PLXNA2: variants seen among roughly 807,000 people sequenced by gnomAD.
PLXNA2 encodes plexin A2.
In PLXNA2, 91 loss-of-function variants were observed where a neutral mutation model predicts 193.5. The ratio of observed to expected loss-of-function variants is 0.47; its 90% CI spans 0.40 to 0.56. PLXNA2 has a LOEUF of 0.56. Among genes scored for constraint, PLXNA2 ranks in the 20% least tolerant of loss-of-function variants. The pLI is 0.00. For synonymous variants in PLXNA2, 997 were observed against 1,027.3 expected, an observed-to-expected ratio of 0.97 and a Z score of 0.56; for missense variants, 1,995 against 2,503.2, an observed-to-expected ratio of 0.80 and a Z score of 4.33.
At chr1:208,152,732 C>T (rs1317309026) in intron 3 of PLXNA2, among the ~76,000 whole-genome samples, 1 of 150,738 alleles carries the variant, frequency 6.6e-6, no homozygotes, top group Non-Finnish European at 1.5e-5. Flanking sequence ...CTTCAATTGT[C>T]CCCTTTAATA....
chr1:208,062,392 G>A (rs1665647039), intron 12 of PLXNA2, among the ~76,000 whole-genome samples: 1 of 152,228 alleles, frequency 6.6e-6, no homozygotes, highest in South Asian at 2.1e-4. Flanking sequence ...CAACCACCAA[G>A]TGATAGTGAG....
At chr1:208,051,186 G>GAGCC (rs1665248290) in intron 16 of PLXNA2, 70 bp downstream of exon 16, 2 of 1,593,642 alleles carry the variant, frequency 1.3e-6, no homozygotes, top group East Asian at 4.5e-5. Context: ...TCCCTCTCAT[G>GAGCC]AGCCAGACTT....
At position 208,180,052 on chromosome 1, in the gene PLXNA2, C is replaced by G. The variant is rs151234783; in HGVS notation, c.1371+30228G>C. 6.0e-3 allele frequency among the ~76,000 whole-genome samples: 908 copies of G among 152,268 alleles called. 11 individuals carry two copies. The highest frequency in any genetic ancestry group is 0.021 in the African/African-American group (866 of 41,554). On this transcript the variant is annotated intron_variant, in intron 3 of 31. Transcript: ENST00000367033. ...CGCCCCCACCCTGGGGCTTCAAACA[C>G]GAGGAAATTAGCACAAGGCCCCCTG...
At chr1:208,157,835 T>G (rs936852247) in intron 3 of PLXNA2, among the ~76,000 whole-genome samples, 8 of 152,228 alleles carry the variant, frequency 5.3e-5, no homozygotes, top group Non-Finnish European at 1.0e-4. Flanking sequence ...AATAAATTAA[T>G]GAATGAATGC....
At position 208,062,214 on chromosome 1, in the gene PLXNA2, C is replaced by T. The variant is rs957096053; in HGVS notation, c.2587-1377G>A. Reference sequence around the variant, plus strand: ...ACCCTGTATGTGCTGGTGGAGTGTCCGATGGGGTGGGAGGGTCAGCGTACC... The same window carrying T: ...ACCCTGTATGTGCTGGTGGAGTGTCTGATGGGGTGGGAGGGTCAGCGTACC... On this transcript the variant is annotated intron_variant, in intron 12 of 31. Transcript: ENST00000367033. Among the ~76,000 whole-genome samples the T allele has an allele frequency of 2.5e-4, 38 of 152,018 alleles. 1 individual carries two copies. The highest frequency in any genetic ancestry group is 9.7e-5 in the African/African-American group (4 of 41,402).
chr1:208,031,885 A>G, intron 28 of PLXNA2, 126 bp from the exon 29 acceptor site: 1 of 1,252,032 alleles, frequency 8.0e-7, no homozygotes, highest in Admixed American at 2.8e-5. Flanking sequence ...CTGTGCAGGC[A>G]GTGTTGCGGG....
At chr1:208,171,870 T>A (rs922485340) in intron 3 of PLXNA2, among the ~76,000 whole-genome samples, 1 of 151,850 alleles carries the variant, frequency 6.6e-6, no homozygotes, top group Admixed American at 6.5e-5. Context: ...AAGTTTTTTT[T>A]AAGATGATAA....
At chr1:208,065,786 C>G (rs1256884807) in intron 12 of PLXNA2, among the ~76,000 whole-genome samples, 1 of 152,130 alleles carries the variant, frequency 6.6e-6, no homozygotes, top group Non-Finnish European at 1.5e-5. Flanking sequence ...AGTTCTGGGC[C>G]CTGCACAGAA....
At chr1:208,099,805 G>A (rs770380611) in intron 5 of PLXNA2, among the ~76,000 whole-genome samples, 3 of 151,946 alleles carry the variant, frequency 2.0e-5, no homozygotes, top group South Asian at 2.1e-4. Context: ...TCCTGATCTC[G>A]TGATCCACCT....
In PLXNA2 at chr1:208,051,265, C is replaced by A; in HGVS notation, c.3152G>T (p.Ser1051Ile). The A allele has an allele frequency of 6.2e-7, 1 of 1,607,536 alleles. No individual in the cohort carries two copies. Among genetic ancestry groups the A allele is most frequent in the Non-Finnish European group, 8.5e-7 (1 of 1,175,642 alleles). Residue 1051 changes from serine to isoleucine, a missense_variant, in exon 16 of 32, where the codon AGC (serine) becomes ATC (isoleucine). Ser to Ile is a moderately radical substitution (Grantham distance 142, BLOSUM62 -2). Coordinates refer to ENST00000367033, the MANE Select transcript of PLXNA2 (RefSeq NM_025179.4). ...CCACCTTCCACCTCACCTGGCAATG[C>A]TCCACTCTGGCTCGATGCGCTGGAC... ...PRVQRIEPEW[S>I]IASGHTPLTI...
intron 3 of PLXNA2, among the ~76,000 whole-genome samples, chr1:208,168,531 T>C (rs569388416): frequency 2.6e-5 from 4 of 152,226 alleles, no homozygotes; most frequent in African/African-American, 9.6e-5. Context: ...GGGGAGTCTA[T>C]TGCCCCCACT....
intron 3 of PLXNA2, among the ~76,000 whole-genome samples, chr1:208,166,728 A>T (rs1044997122): frequency 2.6e-4 from 40 of 152,244 alleles, no homozygotes; most frequent in African/African-American, 9.4e-4. Flanking sequence ...TGAGAACTTC[A>T]TGCATTGATG....
At chr1:208,114,286 T>C (rs1420922157) in intron 4 of PLXNA2, among the ~76,000 whole-genome samples, 1 of 152,214 alleles carries the variant, frequency 6.6e-6, no homozygotes. Context: ...CTTCCATCCT[T>C]GATACTTCCC....
intron 4 of PLXNA2, 113 bp downstream of exon 4, chr1:208,142,216 G>C: frequency 8.2e-7 from 1 of 1,218,728 alleles, no homozygotes; most frequent in Non-Finnish European, 1.1e-6. Flanking sequence ...CAAGACCCCT[G>C]TGCTGCAAGC....
At position 208,190,358 on chromosome 1, in the gene PLXNA2, C is replaced by T. The variant is rs545741465; in HGVS notation, c.1371+19922G>A. Among the ~76,000 whole-genome samples the T allele has an allele frequency of 1.1e-4, 16 of 152,278 alleles. 2 individuals carry two copies. In the South Asian group the frequency reaches 3.3e-3, roughly 32 times the overall value. ...TACCCACTGAGTTGTTTAATAACTG[C>T]ATATTATGTGAATAAATGGGAAAAT... is the stretch of plus-strand genomic sequence containing the variant. On this transcript the variant is annotated intron_variant, in intron 3 of 31. Transcript: ENST00000367033.
rs752105673 is a variant in PLXNA2, at chr1:208,142,441, TG to T, written c.1393del (p.His465MetfsTer57). On this transcript the variant is annotated frameshift_variant, in exon 4 of 32. Transcript: ENST00000367033. LOFTEE classifies it high-confidence loss of function. ...LKKIRADGPP[H>X]GGVQYEMVSV... Reference sequence around the variant, plus strand: ...GACCATCTCGTACTGGACCCCACCATGGGGGGGACCGTCGGCCCGAATCTGT... The same window carrying T: ...GACCATCTCGTACTGGACCCCACCATGGGGGGACCGTCGGCCCGAATCTGT... 3.1e-6 allele frequency: 5 copies of T among 1,610,788 alleles called. No homozygotes were observed. The highest frequency in any genetic ancestry group is 2.2e-5 in the South Asian group (2 of 90,596).
intron 12 of PLXNA2, among the ~76,000 whole-genome samples, chr1:208,074,365 A>G (rs938695391): frequency 4.6e-5 from 7 of 152,182 alleles, no homozygotes; most frequent in Admixed American, 6.5e-5. Flanking sequence ...ACACGTGCAC[A>G]GACACCCACG....
intron 11 of PLXNA2, among the ~76,000 whole-genome samples, chr1:208,081,515 G>A (rs555861184): frequency 3.9e-5 from 6 of 152,164 alleles, no homozygotes; most frequent in African/African-American, 4.8e-5. Context: ...TCCTACAGTG[G>A]CCTAAGTAGT....
rs554246849 is a variant in PLXNA2, at chr1:208,151,962, A to T, written c.1372-9499T>A. Among the ~76,000 whole-genome samples the T allele has an allele frequency of 7.2e-5, 11 of 152,346 alleles. No homozygotes were observed. The East Asian group carries it at 1.9e-3, about 27-fold the overall frequency. ...AGATAAGTCCTGGGGAACAAAATAG[A>T]TCATATAGCTGTCTCCTCCACTGTG... On this transcript the variant is annotated intron_variant, in intron 3 of 31. Coordinates refer to ENST00000367033, the MANE Select transcript of PLXNA2 (RefSeq NM_025179.4).
Sources: allele counts gnomAD v4.1 joint callset (sites outside exome capture counted in the v4.1 genomes callset), GRCh38; gene constraint gnomAD v4.1.1; transcripts MANE v1.5; gene names NCBI Gene and HGNC (gene_info 2026-07-23, HGNC 2026-07-21).